Variants in SLC6A12 observed in about 807,000 individuals in gnomAD.
The protein encoded by SLC6A12 is sodium- and chloride-dependent betaine transporter.
SLC6A12 carries 50 observed loss-of-function variants against 73.3 expected under a neutral mutation model. The observed-to-expected ratio is 0.68, with a 90% CI of 0.54 to 0.86. The LOEUF (loss-of-function observed/expected upper bound fraction) is 0.86. Ranked by LOEUF, SLC6A12 falls within the 40% of genes least tolerant of loss-of-function variation. The pLI is 0.00. For synonymous variants in SLC6A12, 304 were observed against 309.2 expected (o/e 0.98, Z 0.18); for missense variants, 648 against 772.8 (o/e 0.84, Z 1.92).
intron 6 of SLC6A12, chr12:201,464 G>A (rs1940260279): frequency 2.7e-6 from 1 of 363,648 alleles, no homozygotes; most frequent in Non-Finnish European, 5.1e-6. Flanking sequence ...CTCCCCTAAA[G>A]CTGTGAAGAC....
chr12:191,242 T>C, intron 15 of SLC6A12, 31 bp from the exon 16 acceptor site: 1 of 1,257,808 alleles, frequency 8.0e-7, no homozygotes, highest in Non-Finnish European at 1.0e-6. Context: ...GATTTGGAGC[T>C]GATGGTGAGG....
intron 3 of SLC6A12, among the ~76,000 whole-genome samples, chr12:208,676 G>A (rs990240914): frequency 9.2e-5 from 14 of 152,114 alleles, no homozygotes; most frequent in African/African-American, 3.1e-4. Context: ...GCACATAAGC[G>A]TTGCCAAGGG....
At chr12:184,432 C>G in the SLC6A12 span, among the ~76,000 whole-genome samples, 14 of 152,088 alleles carry the variant, frequency 9.2e-5, no homozygotes, top group African/African-American at 3.4e-4. Flanking sequence ...CGAGACCAGT[C>G]TGGCCAACAT....
Position 198,007 on chromosome 12 carries a change from C to A in SLC6A12, c.847-4G>T. On this transcript the variant is annotated splice_region_variant and splice_polypyrimidine_tract_variant and intron_variant, in intron 8 of 15. Coordinates refer to ENST00000684302, the MANE Select transcript of SLC6A12 (RefSeq NM_001122848.3). This position sits in a 1 kb window ranked among gnomAD's most constrained non-coding sequence, Gnocchi z 4.0. ...GGGTGCCCGCATCCATCCACACCTA[C>A]ACAAAACCCCAAGAAAGAGGTAGAG... The A allele has an allele frequency of 6.2e-7, 1 of 1,613,042 alleles. No homozygotes were observed. The highest frequency in any genetic ancestry group is 8.5e-7 in the Non-Finnish European group (1 of 1,179,204).
chr12:188,236 C>T (rs1318339553), downstream of SLC6A12, among the ~76,000 whole-genome samples: 4 of 152,216 alleles, frequency 2.6e-5, no homozygotes, highest in Admixed American at 1.3e-4. Flanking sequence ...TCAGGCATGG[C>T]GAGCTGCAGG....
chr12:197,944 C>A lies in SLC6A12; in HGVS notation c.906G>T (p.Leu302=). The A allele has an allele frequency of 6.2e-7, 1 of 1,610,148 alleles. No individual in the cohort carries two copies. Among genetic ancestry groups the A allele is most frequent in the East Asian group, 2.2e-5 (1 of 44,632 alleles). ...ACTTGTTGTAGCTGCCCAGGGCTGT[C>A]AGGCACCCCTGGCAGATGGCAAAGG... ...FFSFAICQGC[L]TALGSYNKYH... Residue 302 remains leucine, a synonymous_variant, in exon 9 of 16, where the codon CTG becomes CTT. Coordinates refer to ENST00000684302, the MANE Select transcript of SLC6A12 (RefSeq NM_001122848.3).
chr12:194,398 A>G (rs1775472450), intron 13 of SLC6A12, among the ~76,000 whole-genome samples: 1 of 152,226 alleles, frequency 6.6e-6, no homozygotes, highest in South Asian at 2.1e-4. Context: ...TGTGGCACCC[A>G]CTGGCCCTCT....
chr12:185,319 G>A (rs1939411483), downstream of SLC6A12, among the ~76,000 whole-genome samples: 1 of 152,206 alleles, frequency 6.6e-6, no homozygotes, highest in East Asian at 1.9e-4. Context: ...AAATGCACTT[G>A]TTCAGGACCC....
At chr12:201,656 G>A in intron 6 of SLC6A12, 106 bp downstream of exon 6, 1 of 892,492 alleles carries the variant, frequency 1.1e-6, no homozygotes, top group Admixed American at 1.9e-5. Context: ...AGGAAGTGCT[G>A]GAAAGCACAC....
intron 3 of SLC6A12, among the ~76,000 whole-genome samples, chr12:208,459 C>G (rs1051737588): frequency 5.9e-5 from 9 of 152,156 alleles, no homozygotes; most frequent in East Asian, 1.9e-4. Flanking sequence ...AGGATTTTCT[C>G]AACAAATTAT....
intron 6 of SLC6A12, among the ~76,000 whole-genome samples, chr12:201,070 T>C (rs1284819118): frequency 6.6e-6 from 1 of 152,148 alleles, no homozygotes; most frequent in Non-Finnish European, 1.5e-5. Flanking sequence ...AGAGAGTAGA[T>C]ATTTATACAT....
Position 196,145 on chromosome 12 carries a change from T to C in SLC6A12, c.1305A>G (p.Ile435Met). The part of the protein sequence containing the change: ...ILTIAVMCYL[I>M]GLFLVTEGGM... ...TCACCTCGGTGACCAGGAAAAGCCC[T>C]ATCAGGTAGCACATGACGGCGATGG... Residue 435 changes from isoleucine (I) to methionine (M), a missense_variant, in exon 12 of 16, where the codon ATA becomes ATG. Physicochemically the swap from Ile to Met is conservative, Grantham distance 10 (BLOSUM62 1). Coordinates refer to ENST00000684302, the MANE Select transcript of SLC6A12 (RefSeq NM_001122848.3). The C allele has an allele frequency of 6.4e-7, 1 of 1,565,096 alleles. No homozygotes were observed. The highest frequency in any genetic ancestry group is 8.7e-7 in the Non-Finnish European group (1 of 1,154,484).
chr12:196,958 CTG>C (rs150908861), intron 10 of SLC6A12, 76 bp from the exon 11 acceptor site: 81,875 of 908,100 alleles, frequency 0.09, 4,275 homozygotes, highest in Admixed American at 0.15. Flanking sequence ...TCTCTAAGCA[CTG>C]TGTGTGTGTG....
chr12:196,284 G>T (rs572444183), intron 11 of SLC6A12, 23 bp from the exon 12 acceptor site: 6 of 1,603,026 alleles, frequency 3.7e-6, no homozygotes, highest in Non-Finnish European at 5.1e-6. Context: ...AGGGGAACTG[G>T]ATGAGAGGGT....
chr12:201,484 C>A (rs1940261135), intron 6 of SLC6A12: 5 of 431,428 alleles, frequency 1.2e-5, no homozygotes, highest in Admixed American at 3.6e-5. Flanking sequence ...CTCTGTCCAG[C>A]ACCCCACTGG....
In SLC6A12 at chr12:209,893, G is replaced by A; in HGVS notation, c.94C>T (p.Gln32Ter). Residue 32 changes from glutamine (Q) to a stop codon, truncating the protein, a stop_gained, in exon 3 of 16, where the codon CAG (glutamine) becomes TAG (stop). Transcript: ENST00000684302. LOFTEE classifies it high-confidence loss of function. Reference protein sequence around the residue: ...GEKLDQEDEDQVKDRGQWTNK... With the variant: ...GEKLDQEDED Reference sequence around the variant, plus strand: ...GTCCATTGGCCCCGATCCTTCACCTGGTCCTCGTCTTCCTGGTCCAACTTC... The same window carrying A: ...GTCCATTGGCCCCGATCCTTCACCTAGTCCTCGTCTTCCTGGTCCAACTTC... 2.5e-6 allele frequency: 4 copies of A among 1,614,166 alleles called. No individual in the cohort carries two copies. The highest frequency in any genetic ancestry group is 3.4e-6 in the Non-Finnish European group (4 of 1,180,020).
At position 201,904 on chromosome 12, in the gene SLC6A12, C is replaced by A. The variant is rs969627349; in HGVS notation, c.491-55G>T. On this transcript the variant is annotated intron_variant, in intron 5 of 15. Coordinates refer to ENST00000684302, the MANE Select transcript of SLC6A12 (RefSeq NM_001122848.3). The stretch of plus-strand genomic sequence containing the variant: ...GAGAGAGATGCTCTTATACCCTAGT[C>A]CCCCTGGCCCTCTGGCCTTGCAGCC... 1.0e-5 allele frequency: 15 copies of A among 1,490,060 alleles called. No individual in the cohort carries two copies. The East Asian group carries it at 3.2e-4, about 31-fold the overall frequency. The allele number at this position is 1,490,060 out of a possible 1,614,324, so 92.3% of individuals were successfully genotyped here.
intron 7 of SLC6A12, 22 bp downstream of exon 7, chr12:200,629 C>T: frequency 6.2e-7 from 1 of 1,612,270 alleles, no homozygotes; most frequent in Non-Finnish European, 8.5e-7. Flanking sequence ...AAGGGAGCTT[C>T]CCAGGAGGCA....
At chr12:199,114 C>A (rs890804802) in intron 7 of SLC6A12, 183 bp from the exon 8 acceptor site, 5 of 568,632 alleles carry the variant, frequency 8.8e-6, no homozygotes, top group Non-Finnish European at 6.3e-6. Context: ...TGTGCTCCCC[C>A]CAGGGTGTGA....
Sources: allele counts gnomAD v4.1 joint callset (sites outside exome capture counted in the v4.1 genomes callset), GRCh38; gene constraint gnomAD v4.1.1; non-coding constraint Gnocchi (gnomAD v3.1); transcripts MANE v1.5; gene names NCBI Gene and HGNC (gene_info 2026-07-23, HGNC 2026-07-21).